Variants in INVS observed in about 807,000 individuals in gnomAD.
The protein encoded by INVS is inversion of embryo turning homolog.
INVS carries 86 observed loss-of-function variants against 108.8 expected under a neutral mutation model. That is an observed-to-expected ratio of 0.79 (90% confidence interval 0.66 to 0.95). The LOEUF is 0.95. Ranked by LOEUF, INVS falls within the 40% of genes least tolerant of loss-of-function variation. INVS has a pLI of 0.00. For missense variants in INVS, 1,169 were observed against 1,297.4 expected (o/e 0.90, Z 1.52); for synonymous variants, 455 against 473.5 (o/e 0.96, Z 0.51).
At chr9:100,269,248 A>G (rs1832878601) in intron 11 of INVS, among the ~76,000 whole-genome samples, 1 of 152,218 alleles carries the variant, frequency 6.6e-6, no homozygotes, top group Non-Finnish European at 1.5e-5. Flanking sequence ...AAATGAAGGT[A>G]TTGAACTAAA....
chr9:100,132,749 A>G (rs925584890), intron 3 of INVS, among the ~76,000 whole-genome samples: 2 of 150,434 alleles, frequency 1.3e-5, no homozygotes, highest in Non-Finnish European at 2.9e-5. Flanking sequence ...CTGTACTCAC[A>G]TTCTCTTTGC....
At chr9:100,300,463 A>G in intron 16 of INVS, 105 bp from the exon 17 acceptor site, 1 of 771,562 alleles carries the variant, frequency 1.3e-6, no homozygotes, top group South Asian at 1.5e-5. Context: ...CCATCATCCC[A>G]GGGATAGCCT....
rs145833123 is a variant in INVS at position 100,220,803 on chromosome 9, C to T, written c.274-5259C>T. Among the ~76,000 whole-genome samples, 696 of 152,178 alleles carry T rather than the reference C, an allele frequency of 4.6e-3. 6 individuals carry two copies. Among genetic ancestry groups the T allele is most frequent in the African/African-American group, 0.016 (668 of 41,526 alleles). ...CCTGAGGTCAGGAGTTTGAGACCAG[C>T]CTGGCCAACATGGTGAAACCTGATT... On this transcript the variant is annotated intron_variant, in intron 3 of 16. Transcript: ENST00000262457.
intron 3 of INVS, among the ~76,000 whole-genome samples, chr9:100,217,772 T>C (rs1018451774): frequency 1.3e-5 from 2 of 152,212 alleles, no homozygotes; most frequent in African/African-American, 4.8e-5. Flanking sequence ...GCTTTTGCAT[T>C]CTTGGCATAC....
intron 10 of INVS, among the ~76,000 whole-genome samples, chr9:100,259,427 G>T (rs561198527): frequency 6.6e-6 from 1 of 152,186 alleles, no homozygotes; most frequent in South Asian, 2.1e-4. Context: ...CACACCCACT[G>T]TCCAGCAAGC....
At chr9:100,198,640 T>C (rs528426315) in intron 3 of INVS, among the ~76,000 whole-genome samples, 15 of 151,606 alleles carry the variant, frequency 9.9e-5, no homozygotes, top group African/African-American at 3.6e-4. Flanking sequence ...GTCGCCAGGC[T>C]GGAGTGCAGT....
chr9:100,229,039 A>G (rs1831427730), intron 4 of INVS, among the ~76,000 whole-genome samples: 1 of 152,220 alleles, frequency 6.6e-6, no homozygotes, highest in Non-Finnish European at 1.5e-5. Flanking sequence ...TTGGTATGCA[A>G]CAGCAAAACC....
At chr9:100,269,973 T>C (rs1332335182) in intron 11 of INVS, among the ~76,000 whole-genome samples, 1 of 152,202 alleles carries the variant, frequency 6.6e-6, no homozygotes, top group African/African-American at 2.4e-5. Context: ...ATTTTTCCAT[T>C]TTCTCCTCAT....
chr9:100,288,732 C>T (rs1009291011), intron 13 of INVS, among the ~76,000 whole-genome samples: 1 of 151,988 alleles, frequency 6.6e-6, no homozygotes, highest in Admixed American at 6.6e-5. Flanking sequence ...GTGATCCCCC[C>T]ATCTCAGCCT....
At chr9:100,204,430 CAG>C (rs1830619023) in intron 3 of INVS, among the ~76,000 whole-genome samples, 1 of 152,192 alleles carries the variant, frequency 6.6e-6, no homozygotes, top group Non-Finnish European at 1.5e-5. Flanking sequence ...ACTTAGACCA[CAG>C]GTATCTATCT....
chr9:100,192,872 T>C (rs1337293291), intron 3 of INVS, among the ~76,000 whole-genome samples: 1 of 152,136 alleles, frequency 6.6e-6, no homozygotes, highest in Non-Finnish European at 1.5e-5. Context: ...TGTGCTCAAG[T>C]CCTTTACCCA....
chr9:100,261,648 C>G (rs543642444), intron 10 of INVS, among the ~76,000 whole-genome samples: 70 of 152,288 alleles, frequency 4.6e-4, no homozygotes, highest in African/African-American at 1.6e-3. Flanking sequence ...TATTAAGCAT[C>G]TTTCCAGTTC....
chr9:100,152,879 T>A (rs906700264), intron 3 of INVS, among the ~76,000 whole-genome samples: 4 of 152,168 alleles, frequency 2.6e-5, no homozygotes, highest in Admixed American at 2.0e-4. Context: ...TTGTCAGTCA[T>A]CTCTTTTCAA....
At chr9:100,119,491 C>A (rs1827656236) in intron 2 of INVS, among the ~76,000 whole-genome samples, 1 of 152,250 alleles carries the variant, frequency 6.6e-6, no homozygotes, top group Non-Finnish European at 1.5e-5. Context: ...CACAAGACTG[C>A]AGTCAAGGCG....
At chr9:100,159,172 T>G (rs1021461833) in intron 3 of INVS, among the ~76,000 whole-genome samples, 1 of 152,134 alleles carries the variant, frequency 6.6e-6, no homozygotes, top group Admixed American at 6.5e-5. Flanking sequence ...AATTCAAGTA[T>G]AAGGTAGAAT....
intron 3 of INVS, among the ~76,000 whole-genome samples, chr9:100,173,996 A>G (rs1239800272): frequency 6.6e-6 from 1 of 152,268 alleles, no homozygotes; most frequent in Non-Finnish European, 1.5e-5. Context: ...AATAGTCTTC[A>G]GCATAACATA....
intron 7 of INVS, among the ~76,000 whole-genome samples, chr9:100,245,783 A>G (rs1286739007): frequency 6.6e-6 from 1 of 152,210 alleles, no homozygotes; most frequent in Non-Finnish European, 1.5e-5. Context: ...GCAAAAGCAA[A>G]CAAACAAAAA....
chr9:100,139,361 C>T (rs1007901520), intron 3 of INVS, among the ~76,000 whole-genome samples: 8 of 152,130 alleles, frequency 5.3e-5, no homozygotes, highest in African/African-American at 1.7e-4. Flanking sequence ...CATTTCTGCC[C>T]CAAGATAAAA....
intron 3 of INVS, among the ~76,000 whole-genome samples, chr9:100,208,410 A>G (rs1409488679): frequency 6.6e-6 from 1 of 152,194 alleles, no homozygotes; most frequent in African/African-American, 2.4e-5. Context: ...GTTTTTTAGT[A>G]TAATCGAATT....
Sources: allele counts gnomAD v4.1 joint callset (sites outside exome capture counted in the v4.1 genomes callset), GRCh38; gene constraint gnomAD v4.1.1; transcripts MANE v1.5; gene names NCBI Gene and HGNC (gene_info 2026-07-23, HGNC 2026-07-21).